Variants in ANKRD31 observed in about 807,000 individuals in gnomAD.
The protein encoded by ANKRD31 is ankyrin repeat domain 31, also known as ankyrin repeat domain-containing protein 31.
ANKRD31 carries 147 observed loss-of-function variants against 186.0 expected under a neutral mutation model. The ratio of observed to expected loss-of-function variants is 0.79; its 90% CI spans 0.69 to 0.91. The LOEUF (loss-of-function observed/expected upper bound fraction) is 0.91, where lower values mean the gene tolerates loss of function less well. Among genes scored for constraint, ANKRD31 ranks in the 40% least tolerant of loss-of-function variants. The pLI is 0.00. For synonymous variants in ANKRD31, 673 were observed against 736.4 expected (o/e 0.91, Z 1.39); for missense variants, 1,986 against 2,148.8 (o/e 0.92, Z 1.50).
At chr5:75,196,943 C>T (rs1228499288) in intron 6 of ANKRD31, among the ~76,000 whole-genome samples, 1 of 151,900 alleles carries the variant, frequency 6.6e-6, no homozygotes. Context: ...CTCTGTCACC[C>T]AGGCTGGAGT....
chr5:75,119,268 C>T (rs531060830), intron 17 of ANKRD31, among the ~76,000 whole-genome samples: 13 of 152,246 alleles, frequency 8.5e-5, no homozygotes, highest in Non-Finnish European at 1.6e-4. Flanking sequence ...TCCCCTACCT[C>T]GTAGTCTCAG....
intron 19 of ANKRD31, among the ~76,000 whole-genome samples, chr5:75,114,175 A>G (rs189935999): frequency 1.0e-3 from 159 of 152,284 alleles, no homozygotes; most frequent in African/African-American, 3.8e-3. Context: ...GTTTCGCAGC[A>G]AAGTTTATTA....
Position 75,104,220 on chromosome 5 carries a change from T to C in ANKRD31, c.5331+8A>G, listed in dbSNP as rs1327907650. On this transcript the variant is annotated splice_region_variant and intron_variant, in intron 22 of 25. Transcript: ENST00000506364. ...TTGCATGATTTTAGAGAAAAAAATA[T>C]AGAATACCTGTGTTTTGAATTCCAG... The C allele has an allele frequency of 1.4e-5, 20 of 1,471,512 alleles. No homozygotes were observed. Among genetic ancestry groups the C allele is most frequent in the East Asian group, 1.2e-4 (5 of 40,352 alleles). 91.2% of individuals were successfully genotyped at this position (1,471,512 alleles called of 1,614,324 possible). A position where few individuals can be genotyped will look rare whatever the true frequency, so the allele number is the denominator to read the frequency against.
chr5:75,093,367 A>G (rs1229387024), intron 22 of ANKRD31, among the ~76,000 whole-genome samples: 1 of 152,100 alleles, frequency 6.6e-6, no homozygotes, highest in African/African-American at 2.4e-5. Flanking sequence ...CTGTAATTCC[A>G]GCTACTTGGG....
At chr5:75,081,700 C>CAGAGAG (rs935046250) in intron 24 of ANKRD31, among the ~76,000 whole-genome samples, 2 of 137,006 alleles carry the variant, frequency 1.5e-5, no homozygotes, top group African/African-American at 5.4e-5. Flanking sequence ...GAGAGAGAGA[C>CAGAGAG]AGAGAGAGAG....
At chr5:75,216,665 T>C (rs764170827) in intron 3 of ANKRD31, among the ~76,000 whole-genome samples, 1 of 152,160 alleles carries the variant, frequency 6.6e-6, no homozygotes, top group African/African-American at 2.4e-5. Context: ...TGATATTAAG[T>C]AGACCTTCAC....
rs377666501 is a variant in ANKRD31 at position 75,205,391 on chromosome 5, T to C, written c.403+1020A>G. Among the ~76,000 whole-genome samples the C allele has an allele frequency of 7.9e-5, 12 of 152,306 alleles. No homozygotes were observed. The South Asian group carries it at 2.5e-3, about 32-fold the overall frequency. On this transcript the variant is annotated intron_variant, in intron 5 of 25. Coordinates refer to ENST00000506364, the MANE Select transcript of ANKRD31 (RefSeq NM_001372053.1). The stretch of plus-strand genomic sequence containing the variant: ...GAGCTAACCATTTATCCTCCAGCAC[T>C]GGCCCCAGACATCCTTGAAAGCATC...
In ANKRD31 at chr5:75,092,368, C is replaced by T. The variant is rs186058896; in HGVS notation, c.5332-967G>A. ...TTCAAACACTGACCTTGGGAACTAT[C>T]CCTTCAAAGGAGCCCACCTTTGCTT... On this transcript the variant is annotated intron_variant, in intron 22 of 25. Transcript: ENST00000506364. 7.9e-4 allele frequency among the ~76,000 whole-genome samples: 121 copies of T among 152,266 alleles called. 1 individual carries two copies. The East Asian group carries it at 0.02, about 26-fold the overall frequency.
chr5:75,128,888 C>T (rs1298578057), intron 17 of ANKRD31, among the ~76,000 whole-genome samples: 1 of 152,068 alleles, frequency 6.6e-6, no homozygotes, highest in Non-Finnish European at 1.5e-5. Context: ...ATTCTGTTTC[C>T]TTTCTTCCAT....
intron 15 of ANKRD31, among the ~76,000 whole-genome samples, chr5:75,141,248 A>G (rs1413942886): frequency 6.6e-6 from 1 of 152,184 alleles, no homozygotes; most frequent in African/African-American, 2.4e-5. Flanking sequence ...TAAGTCTCAT[A>G]TATCTCTTCC....
At chr5:75,220,535 G>A (rs1002483623) in intron 3 of ANKRD31, among the ~76,000 whole-genome samples, 1 of 151,756 alleles carries the variant, frequency 6.6e-6, no homozygotes, top group Non-Finnish European at 1.5e-5. Context: ...CCAGCTACTC[G>A]GGAGGCTGAG....
chr5:75,101,662 T>C (rs1163085376), intron 22 of ANKRD31, among the ~76,000 whole-genome samples: 2 of 152,230 alleles, frequency 1.3e-5, no homozygotes, highest in Non-Finnish European at 2.9e-5. Flanking sequence ...CTCCTCTCGC[T>C]TCATTTCATT....
intron 10 of ANKRD31, among the ~76,000 whole-genome samples, chr5:75,177,874 G>T (rs1015935309): frequency 2.0e-5 from 3 of 152,032 alleles, no homozygotes; most frequent in East Asian, 3.9e-4. Flanking sequence ...ATCAAATTCA[G>T]ACATAACAAT....
chr5:75,087,883 C>A (rs930967889), intron 23 of ANKRD31, among the ~76,000 whole-genome samples: 1 of 152,156 alleles, frequency 6.6e-6, no homozygotes, highest in Non-Finnish European at 1.5e-5. Context: ...TTCATGGTAC[C>A]AACCTCCCCA....
intron 10 of ANKRD31, among the ~76,000 whole-genome samples, chr5:75,186,106 A>G (rs1754696585): frequency 6.6e-6 from 1 of 152,170 alleles, no homozygotes; most frequent in Admixed American, 6.5e-5. Flanking sequence ...CCTTTCCCTA[A>G]GGATTATGCC....
At chr5:75,069,389 TCTTCATG>T (rs1744028809) in intron 25 of ANKRD31, among the ~76,000 whole-genome samples, 2 of 152,084 alleles carry the variant, frequency 1.3e-5, no homozygotes, top group Non-Finnish European at 2.9e-5. Flanking sequence ...GCCAACCCTT[TCTTCATG>T]CTTGGCCCAC....
At chr5:75,141,663 C>T (rs564590386) in intron 15 of ANKRD31, among the ~76,000 whole-genome samples, 9 of 151,810 alleles carry the variant, frequency 5.9e-5, no homozygotes, top group East Asian at 1.9e-4. Context: ...AAAAAATTAG[C>T]GGGGTGTGGT....
intron 13 of ANKRD31, among the ~76,000 whole-genome samples, chr5:75,148,281 G>T (rs575343780): frequency 2.6e-5 from 4 of 151,938 alleles, no homozygotes; most frequent in Non-Finnish European, 5.9e-5. Flanking sequence ...TAATACCTTT[G>T]ACTCTTTCCT....
intron 7 of ANKRD31, among the ~76,000 whole-genome samples, chr5:75,195,336 C>T (rs1561526222): frequency 6.6e-6 from 1 of 152,082 alleles, no homozygotes; most frequent in African/African-American, 2.4e-5. Flanking sequence ...GATATGTCTT[C>T]TCAGCCCTGT....
Sources: allele counts gnomAD v4.1 joint callset (sites outside exome capture counted in the v4.1 genomes callset), GRCh38; gene constraint gnomAD v4.1.1; transcripts MANE v1.5; gene names NCBI Gene and HGNC (gene_info 2026-07-23, HGNC 2026-07-21).